The following DOCK10 variants were observed in gnomAD, a reference collection of about 807,000 sequenced individuals.
The protein encoded by DOCK10 is dedicator of cytokinesis 10.
A neutral mutation model predicts 280.1 loss-of-function variants in DOCK10; 145 were observed. The observed-to-expected ratio is 0.52, with a 90% CI of 0.45 to 0.59. DOCK10 has a LOEUF of 0.59. Among genes scored for constraint, DOCK10 ranks in the 20% least tolerant of loss-of-function variants. The pLI is 0.00. For synonymous variants in DOCK10, 915 were observed against 942.2 expected, an observed-to-expected ratio of 0.97 and a Z score of 0.53; for missense variants, 2,368 against 2,651.7, an observed-to-expected ratio of 0.89 and a Z score of 2.35.
At chr2:224,899,311 G>T (rs1345927564) in intron 3 of DOCK10, among the ~76,000 whole-genome samples, 2 of 152,008 alleles carry the variant, frequency 1.3e-5, no homozygotes, top group South Asian at 4.2e-4. Flanking sequence ...TAATTCCCTA[G>T]CCCAGTCTCC....
At chr2:224,919,139 G>A (rs1384408182) in intron 2 of DOCK10, among the ~76,000 whole-genome samples, 1 of 149,150 alleles carries the variant, frequency 6.7e-6, no homozygotes, top group Non-Finnish European at 1.5e-5. Context: ...ACGTATATGT[G>A]TGGTGTGTGT....
chr2:224,820,225 T>C (rs778975839), intron 28 of DOCK10, among the ~76,000 whole-genome samples: 1 of 152,234 alleles, frequency 6.6e-6, no homozygotes, highest in Non-Finnish European at 1.5e-5. Context: ...TCTTATTCTG[T>C]GGTCAAATTC....
chr2:224,778,255 C>A lies in DOCK10; in HGVS notation c.5685G>T (p.Glu1895Asp). ...QGFFEEEEGKEYIYKEPKLTG... is the reference protein window; with the variant it reads ...QGFFEEEEGKDYIYKEPKLTG... ...TCAGCTTAGGCTCTTTATAAATATA[C>A]TCTTTACCTTCTTCTTCTTCAAAAA... The change falls in exon 51 of 56, where the codon GAG becomes GAT. Residue 1895 changes from glutamate to aspartate, a missense_variant. Glu to Asp is a conservative substitution (Grantham distance 45). Coordinates refer to ENST00000258390, the MANE Select transcript of DOCK10 (RefSeq NM_014689.3). 1 of 1,607,154 alleles carries A rather than the reference C, an allele frequency of 6.2e-7. No homozygotes were observed. The highest frequency in any genetic ancestry group is 8.5e-7 in the Non-Finnish European group (1 of 1,176,172).
intron 39 of DOCK10, among the ~76,000 whole-genome samples, chr2:224,803,135 G>A (rs1338998345): frequency 4.6e-5 from 7 of 152,094 alleles, no homozygotes; most frequent in Admixed American, 3.9e-4. Context: ...GAAATGGCCA[G>A]GACCCATCCA....
chr2:224,824,414 C>T (rs1694708057), intron 27 of DOCK10, among the ~76,000 whole-genome samples: 1 of 148,958 alleles, frequency 6.7e-6, no homozygotes, highest in African/African-American at 2.5e-5. Context: ...CCGAGTTCTT[C>T]CATCTCAGAC....
intron 1 of DOCK10, among the ~76,000 whole-genome samples, chr2:224,946,216 A>G (rs1040839634): frequency 2.0e-5 from 3 of 152,234 alleles, no homozygotes; most frequent in Non-Finnish European, 4.4e-5. Flanking sequence ...AAGTTCTGTA[A>G]TAAGTACAGG....
intron 4 of DOCK10, among the ~76,000 whole-genome samples, chr2:224,890,888 C>T (rs1699617323): frequency 6.6e-6 from 1 of 152,166 alleles, no homozygotes; most frequent in Admixed American, 6.5e-5. Flanking sequence ...GGTTCACTTA[C>T]AATTTGCATG....
intron 1 of DOCK10, among the ~76,000 whole-genome samples, chr2:224,997,642 T>C (rs1706312025): frequency 1.3e-5 from 2 of 152,100 alleles, no homozygotes; most frequent in Admixed American, 6.6e-5. Context: ...TCGGCTCAAA[T>C]GTACCTGCTG....
rs375578564 is a variant in DOCK10 at position 225,024,155 on chromosome 2, T to C, written c.123+18097A>G. Among the ~76,000 whole-genome samples the C allele has an allele frequency of 9.8e-5, 15 of 152,350 alleles. No homozygotes were observed. The East Asian group carries it at 2.9e-3, about 29-fold the overall frequency. ...TCGAGGTCAAGAAAGACAGATAATC[T>C]ATTCTTGATTAAAGAAAACTTAAGA... On this transcript the variant is annotated intron_variant, in intron 1 of 55. Coordinates refer to ENST00000258390, the MANE Select transcript of DOCK10 (RefSeq NM_014689.3).
chr2:224,931,461 C>T, intron 2 of DOCK10, 88 bp downstream of exon 2: 1 of 1,447,182 alleles, frequency 6.9e-7, no homozygotes, highest in South Asian at 1.4e-5. Flanking sequence ...CACAGGGAGG[C>T]CTGGACTCTC....
Position 224,779,143 on chromosome 2 carries a change from AG to A in DOCK10, c.5656-860del, listed in dbSNP as rs544239131. ...TTCCTTCTCTTTGAAGAGACACAGA[AG>A]CATATTTCCTGTGGAATACATGTGG... On this transcript the variant is annotated intron_variant, in intron 50 of 55. Coordinates refer to ENST00000258390, the MANE Select transcript of DOCK10 (RefSeq NM_014689.3). 1.3e-4 allele frequency among the ~76,000 whole-genome samples: 20 copies of A among 152,248 alleles called. No individual in the cohort carries two copies. In the East Asian group the frequency reaches 3.9e-3, roughly 29 times the overall value.
chr2:224,781,726 C>T (rs1691356239), intron 50 of DOCK10, among the ~76,000 whole-genome samples: 1 of 152,214 alleles, frequency 6.6e-6, no homozygotes, highest in African/African-American at 2.4e-5. Flanking sequence ...ACACCTTCTT[C>T]TGCTCTGGTC....
intron 1 of DOCK10, among the ~76,000 whole-genome samples, chr2:225,013,225 C>T (rs941501366): frequency 2.6e-5 from 4 of 152,126 alleles, no homozygotes; most frequent in African/African-American, 9.7e-5. Flanking sequence ...AAACCACATT[C>T]CCTTTTACTG....
At chr2:224,819,672 G>T in intron 28 of DOCK10, 143 bp from the exon 29 acceptor site, 1 of 532,564 alleles carries the variant, frequency 1.9e-6, no homozygotes, top group Non-Finnish European at 3.2e-6. Context: ...ATCTTCTAAA[G>T]ATGTTTAAGC....
intron 26 of DOCK10, 146 bp from the exon 27 acceptor site, chr2:224,830,758 C>G (rs1695171368): frequency 2.3e-6 from 1 of 425,664 alleles, no homozygotes; most frequent in African/African-American, 2.0e-5. Flanking sequence ...AAAATATTCT[C>G]TATTATAGTG....
At chr2:224,890,352 A>G (rs901593621) in intron 4 of DOCK10, among the ~76,000 whole-genome samples, 1 of 152,246 alleles carries the variant, frequency 6.6e-6, no homozygotes, top group African/African-American at 2.4e-5. Flanking sequence ...AACGATGTAA[A>G]AACAAAAATG....
At position 224,805,320 on chromosome 2, in the gene DOCK10, T is replaced by A; in HGVS notation, c.3937A>T (p.Ile1313Phe). The change falls in exon 36 of 56, where the codon ATC (isoleucine) becomes TTC (phenylalanine). Residue 1313 changes from isoleucine (I) to phenylalanine (F), a missense_variant and splice_region_variant. Ile to Phe is a conservative substitution (Grantham distance 21). Coordinates refer to ENST00000258390, the MANE Select transcript of DOCK10 (RefSeq NM_014689.3). The surrounding 1 kb of genome is among the most constrained non-coding windows in gnomAD (Gnocchi z 4.3). ...SSEKTDNCEK[I>F]PRPLSLIGST... is the part of the protein sequence containing the mutation. ...CCAATCAAAGACAAGGGTCTTGGGA[T>A]CTGGGAATTCAAGAACCAATCAGGA... 1 of 1,612,882 alleles carries A rather than the reference T, an allele frequency of 6.2e-7. No individual in the cohort carries two copies. The highest frequency in any genetic ancestry group is 8.5e-7 in the Non-Finnish European group (1 of 1,179,242).
At chr2:224,991,689 C>T (rs1045687447) in intron 1 of DOCK10, among the ~76,000 whole-genome samples, 2 of 152,084 alleles carry the variant, frequency 1.3e-5, no homozygotes, top group Non-Finnish European at 2.9e-5. Flanking sequence ...GGGTGCATGG[C>T]TGAGTCAGGC....
chr2:225,000,961 G>A (rs116466901), intron 1 of DOCK10, among the ~76,000 whole-genome samples: 2,446 of 152,322 alleles, frequency 0.016, 62 homozygotes, highest in African/African-American at 0.056. Context: ...AGGCAAGAGT[G>A]AGACTCCATC....
Sources: allele counts gnomAD v4.1 joint callset (sites outside exome capture counted in the v4.1 genomes callset), GRCh38; gene constraint gnomAD v4.1.1; non-coding constraint Gnocchi (gnomAD v3.1); transcripts MANE v1.5; gene names NCBI Gene and HGNC (gene_info 2026-07-23, HGNC 2026-07-21).